Variants in PRRC2B observed in about 807,000 individuals in gnomAD.
PRRC2B encodes protein PRRC2B.
A neutral mutation model predicts 242.3 loss-of-function variants in PRRC2B; 68 were observed. That is an observed-to-expected ratio of 0.28 (90% CI 0.23 to 0.34). The LOEUF (loss-of-function observed/expected upper bound fraction) is 0.34. Among genes scored for constraint, PRRC2B ranks in the 10% least tolerant of loss-of-function variants. The pLI is 1.00. For synonymous variants in PRRC2B, 1,228 were observed against 1,173.6 expected (o/e 1.05, Z -0.95); for missense variants, 2,835 against 2,954.8 (o/e 0.96, Z 0.94).
At chr9:131,407,713 TC>T (rs1036321185) in intron 1 of PRRC2B, among the ~76,000 whole-genome samples, 8 of 152,172 alleles carry the variant, frequency 5.3e-5, no homozygotes, top group Non-Finnish European at 1.0e-4. Flanking sequence ...AAGAGAAAGT[TC>T]CTTTGTCTCG....
At chr9:131,384,980 T>C (rs1836809205) in intron 1 of PRRC2B, among the ~76,000 whole-genome samples, 1 of 151,988 alleles carries the variant, frequency 6.6e-6, no homozygotes, top group African/African-American at 2.4e-5. Context: ...TGAGCAAGTG[T>C]TGGGTTGTGT....
chr9:131,427,471 C>A (rs541650374), intron 1 of PRRC2B, among the ~76,000 whole-genome samples: 52 of 152,148 alleles, frequency 3.4e-4, no homozygotes, highest in African/African-American at 1.2e-3. Flanking sequence ...GCTGGGACTA[C>A]AGGCGCCCAC....
In PRRC2B at chr9:131,494,218, C is replaced by G. The variant is rs1325930241; in HGVS notation, c.6474-187C>G. On this transcript the variant is annotated intron_variant, in intron 30 of 31. Coordinates refer to ENST00000683519, the MANE Select transcript of PRRC2B (RefSeq NM_013318.4). This position sits in a 1 kb window ranked among gnomAD's most constrained non-coding sequence, Gnocchi z 4.3. ...TGGTCAGTGACAGCCACCCCCTCACCCTTCTGCGTTCTGGGCTGTCTTAGG... is the reference window on the plus strand; with the variant it reads ...TGGTCAGTGACAGCCACCCCCTCACGCTTCTGCGTTCTGGGCTGTCTTAGG... Among the ~76,000 whole-genome samples the G allele has an allele frequency of 2.6e-5, 4 of 152,238 alleles. No individual in the cohort carries two copies. Among genetic ancestry groups the G allele is most frequent in the African/African-American group, 7.2e-5 (3 of 41,468 alleles).
At chr9:131,444,433 G>A (rs1838718654) in intron 6 of PRRC2B, 105 bp downstream of exon 6, 6 of 1,249,654 alleles carry the variant, frequency 4.8e-6, no homozygotes, top group African/African-American at 3.7e-5. Context: ...TCTCCGGTTC[G>A]AGCTGGAAAC....
intron 12 of PRRC2B, among the ~76,000 whole-genome samples, chr9:131,465,878 C>T (rs761808908): frequency 6.6e-5 from 10 of 152,206 alleles, no homozygotes; most frequent in African/African-American, 2.4e-4. Flanking sequence ...GCGTGTGCCA[C>T]GACGCCCAGC....
chr9:131,405,844 G>A (rs985811623), intron 1 of PRRC2B, among the ~76,000 whole-genome samples: 1 of 152,168 alleles, frequency 6.6e-6, no homozygotes, highest in African/African-American at 2.4e-5. Flanking sequence ...CACACTGGAA[G>A]CCCTGCTTTG....
At chr9:131,386,295 G>A (rs913960133) in intron 1 of PRRC2B, among the ~76,000 whole-genome samples, 2 of 149,992 alleles carry the variant, frequency 1.3e-5, no homozygotes, top group African/African-American at 4.9e-5. Flanking sequence ...TAATTTTTTT[G>A]TGGAGATGGG....
At position 131,494,794 on chromosome 9, in the gene PRRC2B, C is replaced by T. The variant is rs141947344; in HGVS notation, c.6555+308C>T. ...CGGGGCTGAGGCGCCCTGGGAGACT[C>T]GGTTAGGTTTGGGGGTCGGCTTTAG... On this transcript the variant is annotated intron_variant, in intron 31 of 31. Coordinates refer to ENST00000683519, the MANE Select transcript of PRRC2B (RefSeq NM_013318.4). This position sits in a 1 kb window ranked among gnomAD's most constrained non-coding sequence, Gnocchi z 4.3. Among the ~76,000 whole-genome samples the T allele has an allele frequency of 7.1e-4, 108 of 152,136 alleles. No homozygotes were observed. Among genetic ancestry groups the T allele is most frequent in the African/African-American group, 2.5e-3 (103 of 41,498 alleles).
rs373605306 is a variant in PRRC2B, at chr9:131,444,134, G to A, written c.470-51G>A. 5.7e-5 allele frequency: 91 copies of A among 1,604,354 alleles called. No homozygotes were observed. The African/African-American group carries it at 1.1e-3, about 19-fold the overall frequency. On this transcript the variant is annotated intron_variant, in intron 5 of 31. Transcript: ENST00000683519. ...CAAGGTGTGGAGCTGGGAAGCAGACGACTGTTGACTCCATCTCACTTCCTC... is the reference window on the plus strand; with the variant it reads ...CAAGGTGTGGAGCTGGGAAGCAGACAACTGTTGACTCCATCTCACTTCCTC...
intron 1 of PRRC2B, among the ~76,000 whole-genome samples, chr9:131,403,927 A>G (rs904667280): frequency 6.6e-6 from 1 of 151,986 alleles, no homozygotes; most frequent in East Asian, 1.9e-4. Flanking sequence ...TCTTATTTTT[A>G]TTTTCAGTAA....
chr9:131,469,465 T>C (rs1943481533), intron 13 of PRRC2B, among the ~76,000 whole-genome samples: 1 of 152,172 alleles, frequency 6.6e-6, no homozygotes, highest in African/African-American at 2.4e-5. Context: ...CCCACAGCCT[T>C]CTCTGTGGAC....
At chr9:131,382,998 A>G (rs1284481508) in intron 1 of PRRC2B, among the ~76,000 whole-genome samples, 1 of 151,992 alleles carries the variant, frequency 6.6e-6, no homozygotes, top group Admixed American at 6.6e-5. Flanking sequence ...CCACATCTCT[A>G]GTGGCTACCA....
rs111995695 is a variant in PRRC2B at position 131,496,115 on chromosome 9, T to C, written c.*241T>C. On this transcript the variant is annotated 3_prime_UTR_variant, in exon 32 of 32. Coordinates refer to ENST00000683519, the MANE Select transcript of PRRC2B (RefSeq NM_013318.4). ...AAAAGCAGACGACTCCTTCATCCCA[T>C]CTGCTCCTACCGTGACTGTGGAGTG... is the stretch of plus-strand genomic sequence containing the variant. 1.9e-6 allele frequency: 1 copy of C among 521,428 alleles called. No homozygotes were observed. Among genetic ancestry groups the C allele is most frequent in the African/African-American group, 1.9e-5 (1 of 52,402 alleles). The allele number at this position is 521,428 out of a possible 1,614,324, so 32.3% of individuals were successfully genotyped here. A position where few individuals can be genotyped will look rare whatever the true frequency, so the allele number is the denominator to read the frequency against.
chr9:131,395,905 A>G (rs937308572), intron 1 of PRRC2B, among the ~76,000 whole-genome samples: 4 of 152,218 alleles, frequency 2.6e-5, no homozygotes, highest in African/African-American at 9.6e-5. Flanking sequence ...CAGGACAAAC[A>G]GACGCCCAAG....
rs1019502601 is a variant in PRRC2B, at chr9:131,474,878, G to A, written c.2749G>A (p.Glu917Lys). 1.9e-6 allele frequency: 3 copies of A among 1,602,024 alleles called. No individual in the cohort carries two copies. The highest frequency in any genetic ancestry group is 2.6e-6 in the Non-Finnish European group (3 of 1,175,020). The change falls in exon 16 of 32, where the codon GAA becomes AAA. Residue 917 changes from glutamate (E) to lysine (K), a missense_variant. This residue lies in a region of PRRC2B where 1,536 missense variants were observed against 1,483.1 expected (regional missense o/e 1.04). Coordinates refer to ENST00000683519, the MANE Select transcript of PRRC2B (RefSeq NM_013318.4). ...SPNKQPSSEP[E>K]WTPEPRSSSS... ...CAACAAACAGCCATCCTCGGAGCCT[G>A]AATGGACTCCCGAGCCCCGGAGCTC...
chr9:131,390,071 C>T (rs1255621659), upstream of PRRC2B, among the ~76,000 whole-genome samples: 3 of 149,510 alleles, frequency 2.0e-5, 1 homozygote, highest in Non-Finnish European at 4.5e-5. Context: ...CCCGCCACCA[C>T]GCCTGGCTAG....
intron 12 of PRRC2B, among the ~76,000 whole-genome samples, chr9:131,466,841 G>T (rs1018072474): frequency 6.7e-6 from 1 of 148,196 alleles, no homozygotes; most frequent in Non-Finnish European, 1.5e-5. Context: ...TCACTCTGTC[G>T]CCCAGGCTGG....
intron 14 of PRRC2B, 57 bp from the exon 15 acceptor site, chr9:131,473,451 A>T (rs111469638): frequency 1.1e-5 from 15 of 1,365,124 alleles, no homozygotes; most frequent in African/African-American, 8.8e-5. Flanking sequence ...GTTGACCCTG[A>T]GATTGGAGCA....
chr9:131,461,240 G>C (rs556860556), intron 11 of PRRC2B, among the ~76,000 whole-genome samples: 1 of 152,206 alleles, frequency 6.6e-6, no homozygotes, highest in East Asian at 1.9e-4. Context: ...AGATGTCATT[G>C]TCCCCACTCC....
Sources: gnomAD v4.1 joint callset for allele counts (sites outside exome capture counted in the v4.1 genomes callset) on GRCh38, gnomAD v4.1.1 for gene constraint, gnomAD v4.1.1 regional missense constraint, Gnocchi (gnomAD v3.1) non-coding constraint, MANE v1.5 for transcripts, NCBI Gene and HGNC (gene_info 2026-07-23, HGNC 2026-07-21) for gene names.